The following TTC1 variants were observed in gnomAD, a reference collection of about 807,000 sequenced individuals.
The protein encoded by TTC1 is tetratricopeptide repeat protein 1.
TTC1 carries 31 observed loss-of-function variants against 37.6 expected under a neutral mutation model. The observed-to-expected ratio is 0.82, with a 90% CI of 0.62 to 1.11. The LOEUF (loss-of-function observed/expected upper bound fraction) is 1.11, where lower values mean the gene tolerates loss of function less well. Among genes scored for constraint, TTC1 ranks in the 50% most tolerant of loss-of-function variants. TTC1 has a pLI of 0.00. For synonymous variants in TTC1, 127 were observed against 122.4 expected (o/e 1.04, Z -0.25); for missense variants, 351 against 339.0 (o/e 1.04, Z -0.28).
At chr5:160,040,153 G>A (rs1429142003) in intron 4 of TTC1, among the ~76,000 whole-genome samples, 1 of 152,128 alleles carries the variant, frequency 6.6e-6, no homozygotes, top group Non-Finnish European at 1.5e-5. Flanking sequence ...TAGGCAGTTG[G>A]AACACAATGG....
At position 160,036,787 on chromosome 5, in the gene TTC1, C is replaced by T; in HGVS notation, c.488C>T (p.Ala163Val). The change falls in exon 4 of 8, where the codon GCA becomes GTA. Residue 163 changes from alanine to valine, a missense_variant. Transcript: ENST00000231238. ...ERSILFSNRAAARMKQDKKEM... is the reference protein window; with the variant it reads ...ERSILFSNRAVARMKQDKKEM... ...TCGATTCTATTTTCAAATAGAGCTG[C>T]AGCAAGGATGAAACAGGTATGTATC... The T allele has an allele frequency of 6.2e-7, 1 of 1,612,972 alleles. No individual in the cohort carries two copies. The highest frequency in any genetic ancestry group is 1.1e-5 in the South Asian group (1 of 91,066).
intron 2 of TTC1, among the ~76,000 whole-genome samples, chr5:160,020,553 G>T (rs556510514): frequency 6.6e-6 from 1 of 152,334 alleles, no homozygotes; most frequent in African/African-American, 2.4e-5. Flanking sequence ...GCAGGCTAGT[G>T]AGCGAAGCTT....
At chr5:160,023,473 A>G (rs900647779) in intron 2 of TTC1, among the ~76,000 whole-genome samples, 2 of 151,810 alleles carry the variant, frequency 1.3e-5, no homozygotes, top group African/African-American at 4.8e-5. Context: ...TTTTATTTTT[A>G]GGAGAGACAC....
chr5:160,050,627 CT>C (rs546426067), intron 6 of TTC1, among the ~76,000 whole-genome samples: 57,806 of 109,252 alleles, frequency 0.53, 11,172 homozygotes, highest in East Asian at 0.59. Context: ...CCAAACAAAA[CT>C]TTTTTTTTTT....
intron 4 of TTC1, among the ~76,000 whole-genome samples, chr5:160,042,323 G>A (rs1212456336): frequency 6.6e-6 from 1 of 152,194 alleles, no homozygotes; most frequent in Non-Finnish European, 1.5e-5. Context: ...AGTAGGCATT[G>A]TGAGAATATT....
intron 7 of TTC1, chr5:160,061,723 G>A (rs144698844): frequency 6.6e-6 from 1 of 152,146 alleles, no homozygotes; most frequent in East Asian, 1.9e-4. Flanking sequence ...TAAAGGCAGA[G>A]ATACTGGAAT....
chr5:160,013,341 C>T (rs183735914), intron 2 of TTC1, among the ~76,000 whole-genome samples: 2 of 151,510 alleles, frequency 1.3e-5, no homozygotes, highest in East Asian at 1.9e-4. Flanking sequence ...TCATCAGAAA[C>T]AGGATAGTGT....
chr5:160,021,534 CATAG>C (rs1756709732), intron 2 of TTC1, among the ~76,000 whole-genome samples: 1 of 152,164 alleles, frequency 6.6e-6, no homozygotes, highest in African/African-American at 2.4e-5. Context: ...ATTAATTCCT[CATAG>C]ATCAGTCATT....
chr5:160,050,732 C>T lies in TTC1; in HGVS notation c.691-397C>T, dbSNP rs1219346413. 2.6e-5 allele frequency among the ~76,000 whole-genome samples: 4 copies of T among 151,616 alleles called. No individual in the cohort carries two copies. In the East Asian group the frequency reaches 7.8e-4, roughly 30 times the overall value. On this transcript the variant is annotated intron_variant, in intron 6 of 7. Coordinates refer to ENST00000231238, the MANE Select transcript of TTC1 (RefSeq NM_003314.3). Reference sequence around the variant, plus strand: ...CCTCAACCTCCCAGATTCAAGCAACCCTCCCACCTCAGCCTCCTGAGTAGC... The same window carrying T: ...CCTCAACCTCCCAGATTCAAGCAACTCTCCCACCTCAGCCTCCTGAGTAGC...
In TTC1 at chr5:160,060,243, C is replaced by T. The variant is rs567268231; in HGVS notation, c.746-4689C>T. ...CTTAAGGAGATGAAAACACAGCATT[C>T]CTGGTTATGCTCAGGGTAAACTGCC... is the stretch of plus-strand genomic sequence containing the variant. On this transcript the variant is annotated intron_variant, in intron 7 of 7. Transcript: ENST00000231238. Among the ~76,000 whole-genome samples, 5 of 152,340 alleles carry T rather than the reference C, an allele frequency of 3.3e-5. No homozygotes were observed. In the East Asian group the frequency reaches 5.8e-4, roughly 18 times the overall value.
chr5:160,043,578 T>A (rs557561815), intron 5 of TTC1, among the ~76,000 whole-genome samples: 5 of 152,090 alleles, frequency 3.3e-5, no homozygotes, highest in Non-Finnish European at 7.4e-5. Flanking sequence ...GGTAACAGAG[T>A]GACCCTGTCT....
chr5:160,049,416 C>T (rs1757343166), intron 5 of TTC1, 98 bp from the exon 6 acceptor site: 18 of 1,171,304 alleles, frequency 1.5e-5, no homozygotes, highest in African/African-American at 3.2e-5. Context: ...CTCTTCCTTT[C>T]GTATCCTTGG....
At chr5:160,062,714 G>C (rs1369380631) in intron 7 of TTC1, among the ~76,000 whole-genome samples, 2 of 152,172 alleles carry the variant, frequency 1.3e-5, no homozygotes, top group Non-Finnish European at 2.9e-5. Context: ...TCTGATGTGA[G>C]TGGCTCTTGA....
chr5:160,044,147 G>A (rs1301516137), intron 5 of TTC1, among the ~76,000 whole-genome samples: 1 of 151,970 alleles, frequency 6.6e-6, no homozygotes, highest in Admixed American at 6.6e-5. Context: ...TTCTTCTTTG[G>A]ATAATAGTTT....
intron 7 of TTC1, among the ~76,000 whole-genome samples, chr5:160,059,993 C>T (rs1338129348): frequency 2.6e-5 from 4 of 152,198 alleles, no homozygotes; most frequent in Non-Finnish European, 5.9e-5. Flanking sequence ...AAAATAAAGT[C>T]TGCCTGTATA....
At chr5:160,021,908 G>T (rs890937451) in intron 2 of TTC1, among the ~76,000 whole-genome samples, 1 of 152,084 alleles carries the variant, frequency 6.6e-6, no homozygotes, top group African/African-American at 2.4e-5. Context: ...CTCTCTTTAC[G>T]CTCTCTTTTA....
chr5:160,049,384 C>A, intron 5 of TTC1, 130 bp from the exon 6 acceptor site: 1 of 800,030 alleles, frequency 1.2e-6, no homozygotes, highest in Non-Finnish European at 1.8e-6. Flanking sequence ...TTTCCAGCAT[C>A]AGGTATACAC....
At chr5:160,031,634 TA>T (rs1471369904) in intron 2 of TTC1, among the ~76,000 whole-genome samples, 1 of 151,568 alleles carries the variant, frequency 6.6e-6, no homozygotes, top group Non-Finnish European at 1.5e-5. Context: ...AATAAATAAA[TA>T]AAAAATAACC....
chr5:160,031,374 G>T (rs941258744), intron 2 of TTC1, among the ~76,000 whole-genome samples: 1 of 152,120 alleles, frequency 6.6e-6, no homozygotes, highest in African/African-American at 2.4e-5. Context: ...AACTTTGGGA[G>T]GCCAAGGCAG....
Sources: gnomAD v4.1 joint callset for allele counts (sites outside exome capture counted in the v4.1 genomes callset) on GRCh38, gnomAD v4.1.1 for gene constraint, MANE v1.5 for transcripts, NCBI Gene and HGNC (gene_info 2026-07-23, HGNC 2026-07-21) for gene names.